Variants in ROR1 observed in about 807,000 individuals in gnomAD.
ROR1 encodes the protein inactive tyrosine-protein kinase transmembrane receptor ROR1.
In ROR1, 19 loss-of-function variants were observed where a neutral mutation model predicts 78.8. That is an observed-to-expected ratio of 0.24 (90% CI 0.17 to 0.35). The LOEUF (loss-of-function observed/expected upper bound fraction) is 0.35, where lower values mean the gene tolerates loss of function less well. Among genes scored for constraint, ROR1 ranks in the 10% least tolerant of loss-of-function variants. ROR1 has a pLI of 1.00. For synonymous variants in ROR1, 386 were observed against 433.6 expected, an observed-to-expected ratio of 0.89 and a Z score of 1.36; for missense variants, 917 against 1,177.8, an observed-to-expected ratio of 0.78 and a Z score of 3.24.
At chr1:63,846,688 C>T (rs1645083746) in intron 1 of ROR1, among the ~76,000 whole-genome samples, 1 of 152,198 alleles carries the variant, frequency 6.6e-6, no homozygotes, top group South Asian at 2.1e-4. Flanking sequence ...TCATCTGCAA[C>T]TGCGCGGCTT....
At chr1:64,027,743 A>G (rs1278180083) in intron 2 of ROR1, among the ~76,000 whole-genome samples, 1 of 151,050 alleles carries the variant, frequency 6.6e-6, no homozygotes, top group African/African-American at 2.4e-5. Flanking sequence ...GCTGGAATGC[A>G]GTGGCTTGGT....
chr1:63,991,008 T>C (rs1646291376), intron 1 of ROR1, among the ~76,000 whole-genome samples: 1 of 152,246 alleles, frequency 6.6e-6, no homozygotes, highest in Admixed American at 6.5e-5. Context: ...AACCTTGAAC[T>C]CCTGGGTTCA....
chr1:63,796,528 A>G (rs1213088218), intron 1 of ROR1, among the ~76,000 whole-genome samples: 1 of 152,228 alleles, frequency 6.6e-6, no homozygotes, highest in Non-Finnish European at 1.5e-5. Flanking sequence ...GTTTTTTTCC[A>G]AATGCATATT....
At chr1:63,887,227 G>GC (rs879627563) in intron 1 of ROR1, among the ~76,000 whole-genome samples, 6 of 151,632 alleles carry the variant, frequency 4.0e-5, no homozygotes, top group South Asian at 2.1e-4. Flanking sequence ...TTTTGGGATG[G>GC]GGGGGTTTGG....
chr1:63,938,337 G>A (rs1212187740), intron 1 of ROR1, among the ~76,000 whole-genome samples: 1 of 152,038 alleles, frequency 6.6e-6, no homozygotes, highest in African/African-American at 2.4e-5. Context: ...TTTATATCAC[G>A]GTCTTGAGCA....
At chr1:64,013,593 C>T (rs1646494595) in intron 2 of ROR1, among the ~76,000 whole-genome samples, 2 of 152,112 alleles carry the variant, frequency 1.3e-5, no homozygotes, top group Non-Finnish European at 2.9e-5. Flanking sequence ...CCCATTTCCC[C>T]GCAGTGCCCC....
intron 2 of ROR1, among the ~76,000 whole-genome samples, chr1:64,040,700 G>A (rs1056323364): frequency 4.6e-5 from 7 of 152,168 alleles, no homozygotes; most frequent in Non-Finnish European, 8.8e-5. Flanking sequence ...GGTAGGAGAG[G>A]CAGGGGATGT....
At chr1:63,976,824 C>G (rs950596521) in intron 1 of ROR1, among the ~76,000 whole-genome samples, 1 of 152,138 alleles carries the variant, frequency 6.6e-6, no homozygotes, top group Non-Finnish European at 1.5e-5. Flanking sequence ...GGTGAGATAT[C>G]TAGGACACAG....
At chr1:63,955,536 T>C (rs1003458273) in intron 1 of ROR1, among the ~76,000 whole-genome samples, 4 of 152,216 alleles carry the variant, frequency 2.6e-5, no homozygotes, top group African/African-American at 9.6e-5. Flanking sequence ...TTAAAAATAA[T>C]GATTTTGAGC....
At chr1:64,133,106 G>A (rs932057816) in intron 4 of ROR1, among the ~76,000 whole-genome samples, 1 of 152,164 alleles carries the variant, frequency 6.6e-6, no homozygotes, top group Non-Finnish European at 1.5e-5. Flanking sequence ...GGGTTAGTGA[G>A]TGACTAACTT....
At chr1:64,074,708 A>T (rs1464498919) in intron 4 of ROR1, among the ~76,000 whole-genome samples, 1 of 152,208 alleles carries the variant, frequency 6.6e-6, no homozygotes, top group Non-Finnish European at 1.5e-5. Context: ...AGATTGTGCT[A>T]CCAGTTTGGG....
At chr1:64,060,557 T>C (rs1646909170) in intron 4 of ROR1, among the ~76,000 whole-genome samples, 1 of 152,182 alleles carries the variant, frequency 6.6e-6, no homozygotes, top group Admixed American at 6.5e-5. Context: ...CAAGAAGTGA[T>C]AATGTAATAT....
intron 1 of ROR1, among the ~76,000 whole-genome samples, chr1:63,778,144 G>T (rs1377636848): frequency 6.6e-6 from 1 of 152,196 alleles, no homozygotes; most frequent in East Asian, 1.9e-4. Flanking sequence ...AGCCTTTCAA[G>T]AGTGTTATGA....
chr1:63,985,185 G>A (rs997320720), intron 1 of ROR1, among the ~76,000 whole-genome samples: 1 of 152,048 alleles, frequency 6.6e-6, no homozygotes, highest in African/African-American at 2.4e-5. Context: ...TCAATTTGTT[G>A]TGTCTAGTCA....
chr1:64,005,232 A>AGT (rs1409973740), intron 1 of ROR1, among the ~76,000 whole-genome samples: 1 of 152,226 alleles, frequency 6.6e-6, no homozygotes, highest in Non-Finnish European at 1.5e-5. Context: ...AAAGCCCTTG[A>AGT]GTCTCTATGC....
intron 1 of ROR1, among the ~76,000 whole-genome samples, chr1:63,867,680 C>T (rs1645225094): frequency 6.6e-6 from 1 of 152,170 alleles, no homozygotes; most frequent in Admixed American, 6.5e-5. Context: ...GTTATGCTGA[C>T]CTCGCCGACG....
chr1:64,087,905 A>T (rs1442162730), intron 4 of ROR1, among the ~76,000 whole-genome samples: 1 of 152,194 alleles, frequency 6.6e-6, no homozygotes, highest in African/African-American at 2.4e-5. Context: ...CTATGTAGAT[A>T]ATGACTCAAC....
At chr1:64,054,514 T>C (rs1405027933) in intron 4 of ROR1, among the ~76,000 whole-genome samples, 2 of 152,290 alleles carry the variant, frequency 1.3e-5, no homozygotes, top group African/African-American at 4.8e-5. Flanking sequence ...CAGCTATAGT[T>C]ATCAATAAAA....
chr1:63,914,714 C>T lies in ROR1; in HGVS notation c.92-94591C>T, dbSNP rs144458771. On this transcript the variant is annotated intron_variant, in intron 1 of 8. Coordinates refer to ENST00000371079, the MANE Select transcript of ROR1 (RefSeq NM_005012.4). ...TCTTCTCTGCTTGGCAAACTCTAAA[C>T]CCTCCTTCAAGAACCAGTTCAGAAG... Among the ~76,000 whole-genome samples the T allele has an allele frequency of 5.5e-3, 837 of 152,256 alleles. 10 individuals carry two copies. Among genetic ancestry groups the T allele is most frequent in the Middle Eastern group, 6.8e-3 (2 of 294 alleles).
Sources: gnomAD v4.1 joint callset for allele counts (sites outside exome capture counted in the v4.1 genomes callset) on GRCh38, gnomAD v4.1.1 for gene constraint, MANE v1.5 for transcripts, NCBI Gene and HGNC (gene_info 2026-07-23, HGNC 2026-07-21) for gene names.